Variants in DCP2 observed in about 807,000 individuals in gnomAD.
DCP2 encodes decapping mRNA 2.
DCP2 carries 30 observed loss-of-function variants against 56.1 expected under a neutral mutation model. The observed-to-expected ratio is 0.53, with a 90% CI of 0.40 to 0.73. The LOEUF (loss-of-function observed/expected upper bound fraction) is 0.73. Ranked by LOEUF, DCP2 falls within the 30% of genes least tolerant of loss-of-function variation. DCP2 has a pLI of 0.00. For missense variants in DCP2, 533 were observed against 502.7 expected (o/e 1.06, Z -0.58); for synonymous variants, 197 against 163.3 (o/e 1.21, Z -1.57).
Position 113,003,943 on chromosome 5 carries a change from C to G in DCP2, c.808C>G (p.Arg270Gly), listed in dbSNP as rs1283883139. 1.9e-6 allele frequency: 3 copies of G among 1,613,770 alleles called. No individual in the cohort carries two copies. The highest frequency in any genetic ancestry group is 1.6e-4 in the Middle Eastern group (1 of 6,082). The change falls in exon 8 of 11, where the codon CGA (arginine) becomes GGA (glycine). Residue 270 changes from arginine to glycine, a missense_variant and splice_region_variant. Arg to Gly is a moderately radical substitution (Grantham distance 125). Transcript: ENST00000389063. The part of the protein sequence containing the change: ...PAKPTVEKLS[R>G]TKFRHSQQLF... ...ATTATTTTTTAAATCTTGGTGTAGT[C>G]GAACCAAATTCCGCCACAGTCAGCA...
In DCP2 at chr5:113,000,420, A is replaced by ACACACACACACACACACCCC. The variant is rs112449298; in HGVS notation, c.433-659_433-658insACACACACACACCCCCACAC. Among the ~76,000 whole-genome samples, 53 of 146,762 alleles carry ACACACACACACACACACCCC rather than the reference A, an allele frequency of 3.6e-4. 1 individual carries two copies. Among genetic ancestry groups the ACACACACACACACACACCCC allele is most frequent in the African/African-American group, 9.5e-4 (38 of 39,840 alleles). Reference sequence around the variant, plus strand: ...CTAATACACACACACACACACACACACACACCCACACACCCTACCTGAGTT... The same window carrying ACACACACACACACACACCCC: ...CTAATACACACACACACACACACACACACACACACACACACACCCCCACACCCACACACCCTACCTGAGTT... On this transcript the variant is annotated intron_variant, in intron 4 of 10. Transcript: ENST00000389063.
intron 2 of DCP2, among the ~76,000 whole-genome samples, chr5:112,989,070 T>C (rs577345097): frequency 2.0e-5 from 3 of 152,316 alleles, no homozygotes; most frequent in Non-Finnish European, 4.4e-5. Context: ...CCAGGCCTTA[T>C]GCAGTGAAGA....
intron 9 of DCP2, 116 bp downstream of exon 9, chr5:113,008,158 A>T: frequency 1.2e-6 from 1 of 852,666 alleles, no homozygotes. Flanking sequence ...TTGATATACT[A>T]GTAGGATTTT....
intron 1 of DCP2, among the ~76,000 whole-genome samples, chr5:112,979,107 A>G (rs753116610): frequency 6.8e-6 from 1 of 147,472 alleles, no homozygotes. Flanking sequence ...TGTTAAAGAT[A>G]GTTGGTTTTC....
intron 8 of DCP2, among the ~76,000 whole-genome samples, chr5:113,005,151 GGT>G (rs56389236): frequency 2.0e-5 from 3 of 149,420 alleles, no homozygotes; most frequent in African/African-American, 2.5e-5. Flanking sequence ...TGTGCGTGTG[GGT>G]GTGTGTGTGT....
intron 8 of DCP2, among the ~76,000 whole-genome samples, chr5:113,004,403 G>A (rs1749317542): frequency 6.6e-6 from 1 of 152,212 alleles, no homozygotes; most frequent in Non-Finnish European, 1.5e-5. Context: ...GGAAGAAAAA[G>A]TAACAGCGTA....
intron 4 of DCP2, among the ~76,000 whole-genome samples, chr5:113,000,334 CTG>C (rs1749100090): frequency 1.3e-5 from 2 of 151,288 alleles, no homozygotes; most frequent in African/African-American, 2.4e-5. Context: ...TCCCAAAGTA[CTG>C]AGATTGCAGG....
rs1370143657 is a variant in DCP2, at chr5:113,019,210, A to T, written c.*5726A>T. Reference sequence around the variant, plus strand: ...AGATTGGCAGGCATATCCTTTTGTGATACTTAGGAAAAGACTATGGATGGC... The same window carrying T: ...AGATTGGCAGGCATATCCTTTTGTGTTACTTAGGAAAAGACTATGGATGGC... On this transcript the variant is annotated 3_prime_UTR_variant, in exon 11 of 11. Coordinates refer to ENST00000389063, the MANE Select transcript of DCP2 (RefSeq NM_152624.6). 1 of 152,222 alleles carries T rather than the reference A, an allele frequency of 6.6e-6. No homozygotes were observed. The highest frequency in any genetic ancestry group is 1.5e-5 in the Non-Finnish European group (1 of 68,032). The allele number at this position is 152,222 out of a possible 1,614,324, so 9.4% of individuals were successfully genotyped here.
intron 1 of DCP2, chr5:112,984,703 A>AAAAAAATATATATATATATATATAT: frequency 4.6e-5 from 3 of 64,854 alleles, no homozygotes; most frequent in African/African-American, 2.4e-4. Context: ...AAAAAAAAAA[A>AAAAAAATATATATATATATATATAT]ATATATATAT....
intron 1 of DCP2, among the ~76,000 whole-genome samples, chr5:112,983,036 A>C (rs1430067788): frequency 6.6e-6 from 1 of 152,206 alleles, no homozygotes; most frequent in Admixed American, 6.5e-5. Context: ...GGTGGTTATC[A>C]GTGTTGATTA....
At position 112,977,002 on chromosome 5, in the gene DCP2, AC is replaced by A; in HGVS notation, c.53+21del. 6.7e-7 allele frequency: 1 copy of A among 1,503,618 alleles called. No individual in the cohort carries two copies. Among genetic ancestry groups the A allele is most frequent in the South Asian group, 1.3e-5 (1 of 78,998 alleles). 93.1% of individuals were successfully genotyped at this position (1,503,618 alleles called of 1,614,324 possible). On this transcript the variant is annotated intron_variant, in intron 1 of 10. Transcript: ENST00000389063. ...ATCTCTGCAGGTACCGCGCTACCCG[AC>A]CCCCTTTCGCCCCCGTCGGGTTTTC...
intron 8 of DCP2, among the ~76,000 whole-genome samples, chr5:113,006,621 T>G (rs369948594): frequency 5.3e-5 from 8 of 151,866 alleles, no homozygotes; most frequent in East Asian, 1.9e-4. Context: ...ATTCTTATTT[T>G]ATATATATAT....
intron 7 of DCP2, among the ~76,000 whole-genome samples, chr5:113,003,473 G>C (rs557824699): frequency 1.3e-5 from 2 of 152,226 alleles, no homozygotes; most frequent in South Asian, 2.1e-4. Flanking sequence ...CAACTTGGGA[G>C]GCTGAGGTGA....
intron 9 of DCP2, 174 bp downstream of exon 9, chr5:113,008,216 C>A: frequency 1.9e-6 from 1 of 514,358 alleles, no homozygotes; most frequent in Non-Finnish European, 3.5e-6. Flanking sequence ...TCTGGCTGCT[C>A]TTAATTACAA....
At chr5:113,010,113 A>G (rs1262727168) in intron 9 of DCP2, among the ~76,000 whole-genome samples, 1 of 148,818 alleles carries the variant, frequency 6.7e-6, no homozygotes, top group Non-Finnish European at 1.5e-5. Flanking sequence ...GCTCACTGCA[A>G]CCTCCACCTC....
intron 4 of DCP2, among the ~76,000 whole-genome samples, chr5:112,997,868 C>T (rs1157236963): frequency 6.6e-6 from 1 of 152,136 alleles, no homozygotes. Context: ...CAGCCTTGGC[C>T]TCCCAAAGTG....
chr5:113,012,228 C>T (rs946043666), intron 10 of DCP2, among the ~76,000 whole-genome samples: 2 of 152,108 alleles, frequency 1.3e-5, no homozygotes, highest in African/African-American at 4.8e-5. Flanking sequence ...GCTGTGGTGG[C>T]ACATACCTGT....
chr5:112,984,697 A>ATATATATATATATATATATAT (rs1436502850), intron 1 of DCP2: 51 of 76,088 alleles, frequency 6.7e-4, no homozygotes, highest in African/African-American at 1.8e-3. Context: ...AAAAAAAAAA[A>ATATATATATATATATATATAT]AAAAAAATAT....
chr5:112,983,360 G>C (rs937261152), intron 1 of DCP2, among the ~76,000 whole-genome samples: 1 of 152,176 alleles, frequency 6.6e-6, no homozygotes, highest in African/African-American at 2.4e-5. Context: ...GGGCTGAGGA[G>C]AACTGGGAAA....
Sources: allele counts gnomAD v4.1 joint callset (sites outside exome capture counted in the v4.1 genomes callset), GRCh38; gene constraint gnomAD v4.1.1; transcripts MANE v1.5; gene names NCBI Gene and HGNC (gene_info 2026-07-23, HGNC 2026-07-21).